TXNDC17: variants seen among roughly 807,000 people sequenced by gnomAD.
TXNDC17 encodes the protein thioredoxin domain containing 17.
Under a neutral mutation model 16.3 loss-of-function variants are expected in TXNDC17, and 12 were observed. That is an observed-to-expected ratio of 0.74 (90% confidence interval 0.47 to 1.19). TXNDC17 has a LOEUF of 1.19. Ranked by LOEUF, TXNDC17 falls within the 50% of genes most tolerant of loss-of-function variation. The probability of loss-of-function intolerance (pLI) is 0.00; values close to 1 mark genes in which losing one functional copy is unlikely to be tolerated. For synonymous variants in TXNDC17, 62 were observed against 55.0 expected (o/e 1.13, Z -0.56); for missense variants, 158 against 149.7 (o/e 1.06, Z -0.29).
chr17:6,644,320 T>C lies in TXNDC17; in HGVS notation c.*1301T>C. 1.2e-6 allele frequency: 1 copy of C among 841,768 alleles called. No individual in the cohort carries two copies. The highest frequency in any genetic ancestry group is 2.9e-5 in the South Asian group (1 of 33,938). 52.1% of individuals were successfully genotyped at this position (841,768 alleles called of 1,614,324 possible). Reference sequence around the variant, plus strand: ...TTTAACAGAAATAGTCTATTAACAATAAAAAGTTGGATGAAAAAGCACACT... The same window carrying C: ...TTTAACAGAAATAGTCTATTAACAACAAAAAGTTGGATGAAAAAGCACACT... On this transcript the variant is annotated 3_prime_UTR_variant, in exon 4 of 4. Coordinates refer to ENST00000250101, the MANE Select transcript of TXNDC17 (RefSeq NM_032731.4).
rs542216859 is a variant in TXNDC17, at chr17:6,643,409, C to T, written c.*390C>T. On this transcript the variant is annotated 3_prime_UTR_variant, in exon 4 of 4. Transcript: ENST00000250101. The stretch of plus-strand genomic sequence containing the variant: ...CCTTCTTTGATTTTGGAATGTAGAA[C>T]CTAACCTCACCACTGAAGGAAAGCA... The T allele has an allele frequency of 6.0e-6, 1 of 167,380 alleles. No individual in the cohort carries two copies. The highest frequency in any genetic ancestry group is 1.5e-4 in the South Asian group (1 of 6,656). 10.4% of individuals were successfully genotyped at this position (167,380 alleles called of 1,614,324 possible).
At chr17:6,642,836 TTC>T in intron 3 of TXNDC17, 113 bp from the exon 4 acceptor site, 1 of 752,296 alleles carries the variant, frequency 1.3e-6, no homozygotes, top group Non-Finnish European at 2.3e-6. Flanking sequence ...AGATGATAGT[TTC>T]TGAATTGCGT....
In TXNDC17 at chr17:6,643,516, AGTTTGTTTTGCAGCT is replaced by A. The variant is rs1196059995; in HGVS notation, c.*500_*514del. ...AAACAGACTCCTGAGCACTAGAAGC[AGTTTGTTTTGCAGCT>A]GTCTCAATGTGCTTTACTTGGGATG... On this transcript the variant is annotated 3_prime_UTR_variant, in exon 4 of 4. Transcript: ENST00000250101. 6.5e-6 allele frequency: 1 copy of A among 153,114 alleles called. No individual in the cohort carries two copies. The highest frequency in any genetic ancestry group is 1.5e-5 in the Non-Finnish European group (1 of 68,708). 9.5% of individuals were successfully genotyped at this position (153,114 alleles called of 1,614,324 possible).
chr17:6,641,910 A>G, intron 2 of TXNDC17, 76 bp downstream of exon 2: 1 of 1,302,508 alleles, frequency 7.7e-7, no homozygotes, highest in Non-Finnish European at 1.1e-6. Context: ...TCAGGGACTT[A>G]CTTACCCAGT....
At chr17:6,641,539 G>C in intron 1 of TXNDC17, 2 of 639,716 alleles carry the variant, frequency 3.1e-6, no homozygotes, top group East Asian at 2.7e-5. Context: ...CGGGCGCGGT[G>C]GTGCAGGGGC....
chr17:6,641,320 G>A, intron 1 of TXNDC17, 93 bp downstream of exon 1: 3 of 1,549,594 alleles, frequency 1.9e-6, no homozygotes, highest in Non-Finnish European at 2.6e-6. Flanking sequence ...GCAGAGTCTT[G>A]GTTCCAGACA....
intron 3 of TXNDC17, chr17:6,642,543 A>C: frequency 2.0e-6 from 1 of 494,490 alleles, no homozygotes; most frequent in South Asian, 3.4e-5. Flanking sequence ...AAAAAACCAG[A>C]AAGTAGGTTG....
Position 6,643,906 on chromosome 17 carries a change from ACAGTGATT to A in TXNDC17, c.*897_*904del, listed in dbSNP as rs1972729012. On this transcript the variant is annotated 3_prime_UTR_variant, in exon 4 of 4. Coordinates refer to ENST00000250101, the MANE Select transcript of TXNDC17 (RefSeq NM_032731.4). ...TGCCATGACTAGGTCAAGTGAGGCC[ACAGTGATT>A]CAGTGATTCTTAAAGCCACCTTGCA... The A allele has an allele frequency of 2.6e-6, 1 of 388,498 alleles. No individual in the cohort carries two copies. The highest frequency in any genetic ancestry group is 4.5e-6 in the Non-Finnish European group (1 of 220,002). 24.1% of individuals were successfully genotyped at this position (388,498 alleles called of 1,614,324 possible).
rs1218849099 is a variant in TXNDC17 at position 6,642,575 on chromosome 17, T to A, written c.303+251T>A. On this transcript the variant is annotated intron_variant, in intron 3 of 3. Coordinates refer to ENST00000250101, the MANE Select transcript of TXNDC17 (RefSeq NM_032731.4). Reference sequence around the variant, plus strand: ...GTTGACTCATAATTCCTTAAAACATTTGCATCAACAGTTGTTTTCTGTTTA... The same window carrying A: ...GTTGACTCATAATTCCTTAAAACATATGCATCAACAGTTGTTTTCTGTTTA... 5 of 469,050 alleles carry A rather than the reference T, an allele frequency of 1.1e-5. No individual in the cohort carries two copies. The East Asian group carries it at 1.8e-4, about 17-fold the overall frequency. The allele number at this position is 469,050 out of a possible 1,614,324, so 29.1% of individuals were successfully genotyped here.
chr17:6,643,281 C>G lies in TXNDC17; in HGVS notation c.*262C>G. The G allele has an allele frequency of 2.8e-6, 1 of 356,902 alleles. No homozygotes were observed. Among genetic ancestry groups the G allele is most frequent in the Non-Finnish European group, 5.1e-6 (1 of 195,152 alleles). 22.1% of individuals were successfully genotyped at this position (356,902 alleles called of 1,614,324 possible). A position where few individuals can be genotyped will look rare whatever the true frequency, so the allele number is the denominator to read the frequency against. On this transcript the variant is annotated 3_prime_UTR_variant, in exon 4 of 4. Transcript: ENST00000250101. ...TGAAGGTGACGGAAATACCTAAAAA[C>G]TCCTAAAGGTGCAGAGCACACCTTC... is the stretch of plus-strand genomic sequence containing the variant.
chr17:6,641,092 T>C lies in TXNDC17; in HGVS notation c.10T>C (p.Tyr4His). Reference protein sequence around the residue: MARYEEVSVSGFEE... With the variant: MARHEEVSVSGFEE... ...GCTGCACGTCGTGCCAATGGCCCGCTATGAGGAGGTGAGCGTGTCCGGCTT... is the reference window on the plus strand; with the variant it reads ...GCTGCACGTCGTGCCAATGGCCCGCCATGAGGAGGTGAGCGTGTCCGGCTT... The change falls in exon 1 of 4, where the codon TAT (tyrosine) becomes CAT (histidine). Residue 4 changes from tyrosine to histidine, a missense_variant. Transcript: ENST00000250101. The C allele has an allele frequency of 6.2e-7, 1 of 1,612,964 alleles. No individual in the cohort carries two copies. Among genetic ancestry groups the C allele is most frequent in the Non-Finnish European group, 8.5e-7 (1 of 1,179,858 alleles).
At chr17:6,641,363 CCTT>C (rs1972660676) in intron 1 of TXNDC17, 136 bp downstream of exon 1, 21 of 1,296,534 alleles carry the variant, frequency 1.6e-5, no homozygotes, top group Non-Finnish European at 2.1e-5. Context: ...CCCCAAGTCT[CCTT>C]CTATTAAATC....
At position 6,644,054 on chromosome 17, in the gene TXNDC17, G is replaced by A. The variant is rs962593681; in HGVS notation, c.*1035G>A. On this transcript the variant is annotated 3_prime_UTR_variant, in exon 4 of 4. Transcript: ENST00000250101. ...GCTACTCTCACTACATCTTAGAGTA[G>A]AGTGGTAGAGTAGTTGATCTGAGAC... The A allele has an allele frequency of 9.9e-6, 4 of 403,806 alleles. No individual in the cohort carries two copies. Among genetic ancestry groups the A allele is most frequent in the African/African-American group, 2.1e-5 (1 of 48,652 alleles). 25.0% of individuals were successfully genotyped at this position (403,806 alleles called of 1,614,324 possible). A position where few individuals can be genotyped will look rare whatever the true frequency, so the allele number is the denominator to read the frequency against.
rs568576809 is a variant in TXNDC17 at position 6,641,295 on chromosome 17, G to T, written c.145+68G>T. 69 of 1,592,664 alleles carry T rather than the reference G, an allele frequency of 4.3e-5. No homozygotes were observed. The East Asian group carries it at 1.3e-3, about 29-fold the overall frequency. ...GGAAGGTCGAGCCTACGGCCAGAAGGGGGGCTTAGCGGAGGCAGAGTCTTG... is the reference window on the plus strand; with the variant it reads ...GGAAGGTCGAGCCTACGGCCAGAAGTGGGGCTTAGCGGAGGCAGAGTCTTG... On this transcript the variant is annotated intron_variant, in intron 1 of 3. Coordinates refer to ENST00000250101, the MANE Select transcript of TXNDC17 (RefSeq NM_032731.4).
Position 6,641,071 on chromosome 17 carries a change from C to T in TXNDC17, c.-12C>T, listed in dbSNP as rs757196380. The T allele has an allele frequency of 6.2e-7, 1 of 1,610,850 alleles. No individual in the cohort carries two copies. Among genetic ancestry groups the T allele is most frequent in the South Asian group, 1.1e-5 (1 of 90,886 alleles). On this transcript the variant is annotated 5_prime_UTR_variant, in exon 1 of 4. Coordinates refer to ENST00000250101, the MANE Select transcript of TXNDC17 (RefSeq NM_032731.4). ...ACGTGCACTCCTCCAGTAGCGGCTG[C>T]ACGTCGTGCCAATGGCCCGCTATGA...
intron 1 of TXNDC17, chr17:6,641,535 C>A: frequency 1.6e-6 from 1 of 638,400 alleles, no homozygotes; most frequent in Non-Finnish European, 2.7e-6. Context: ...GTTACGGGCG[C>A]GGTGGTGCAG....
At position 6,644,476 on chromosome 17, in the gene TXNDC17, C is replaced by G; in HGVS notation, c.*1457C>G. The stretch of plus-strand genomic sequence containing the variant: ...GTTTGTATCCAGTTTTTCATTTTCC[C>G]GATGTGTTATTTTGCTGTTGCTGCT... On this transcript the variant is annotated 3_prime_UTR_variant, in exon 4 of 4. Coordinates refer to ENST00000250101, the MANE Select transcript of TXNDC17 (RefSeq NM_032731.4). 6.3e-7 allele frequency: 1 copy of G among 1,595,386 alleles called. No homozygotes were observed.
intron 2 of TXNDC17, 34 bp from the exon 3 acceptor site, chr17:6,642,215 A>T (rs1972692318): frequency 5.4e-6 from 8 of 1,490,174 alleles, no homozygotes; most frequent in East Asian, 4.5e-5. Context: ...AACCAAGTAA[A>T]TTTTTTTCAT....
chr17:6,642,069 G>C, intron 2 of TXNDC17, 180 bp from the exon 3 acceptor site: 1 of 659,640 alleles, frequency 1.5e-6, no homozygotes, highest in Non-Finnish European at 2.6e-6. Flanking sequence ...TTATATCTTA[G>C]TCACACTTTG....
Sources: gnomAD v4.1 joint callset for allele counts on GRCh38, gnomAD v4.1.1 for gene constraint, MANE v1.5 for transcripts, NCBI Gene and HGNC (gene_info 2026-07-23, HGNC 2026-07-21) for gene names.